The following ENTPD5 variants were observed in gnomAD, a reference collection of about 807,000 sequenced individuals.
The protein encoded by ENTPD5 is nucleoside diphosphate phosphatase ENTPD5.
Under a neutral mutation model 60.2 loss-of-function variants are expected in ENTPD5, and 49 were observed. The observed-to-expected ratio is 0.81, with a 90% confidence interval of 0.65 to 1.03. ENTPD5 has a LOEUF of 1.03. Ranked by LOEUF, ENTPD5 falls within the 50% of genes least tolerant of loss-of-function variation. The probability of loss-of-function intolerance (pLI) is 0.00; values close to 1 mark genes in which losing one functional copy is unlikely to be tolerated. For missense variants in ENTPD5, 480 were observed against 507.6 expected, an observed-to-expected ratio of 0.95 and a Z score of 0.52; for synonymous variants, 187 against 185.4, an observed-to-expected ratio of 1.01 and a Z score of -0.07.
rs112302326 is a variant in ENTPD5 at position 73,970,182 on chromosome 14, A to G, written c.1085-57T>C. 3,062 of 1,290,442 alleles carry G rather than the reference A, an allele frequency of 2.4e-3. 5 individuals carry two copies. Among genetic ancestry groups the G allele is most frequent in the Non-Finnish European group, 3.0e-3 (2,690 of 889,620 alleles). 79.9% of individuals were successfully genotyped at this position (1,290,442 alleles called of 1,614,324 possible). ...TTTGCAACTAACTGAGAGGTGTAGG[A>G]TTTTCTCTTAGAAAGAAGTGGAATA... On this transcript the variant is annotated intron_variant, in intron 14 of 15. Transcript: ENST00000334696.
intron 5 of ENTPD5, among the ~76,000 whole-genome samples, chr14:73,984,972 T>C (rs1176091200): frequency 2.6e-5 from 4 of 152,202 alleles, no homozygotes; most frequent in African/African-American, 7.2e-5. Context: ...TTCCCACCTA[T>C]GAGTGAGAAC....
At chr14:73,975,050 T>C (rs12895057) in intron 10 of ENTPD5, 65 bp from the exon 11 acceptor site, 23,733 of 1,216,976 alleles carry the variant, frequency 0.02, 346 homozygotes, top group Middle Eastern at 0.051. Context: ...AAGCTACCTC[T>C]TTCAAAAGTA....
chr14:74,000,037 G>A (rs1344167364), intron 3 of ENTPD5, among the ~76,000 whole-genome samples: 5 of 148,220 alleles, frequency 3.4e-5, no homozygotes, highest in Non-Finnish European at 7.4e-5. Flanking sequence ...GCAGTTAGCC[G>A]AGGTCGCGTC....
At chr14:74,013,870 T>C (rs1167260710) in intron 2 of ENTPD5, among the ~76,000 whole-genome samples, 2 of 152,188 alleles carry the variant, frequency 1.3e-5, no homozygotes. Context: ...ATCCATGACA[T>C]AAAAATGCAG....
downstream of ENTPD5, chr14:73,963,017 A>T (rs2056825135): frequency 4.4e-6 from 7 of 1,594,986 alleles, no homozygotes; most frequent in Non-Finnish European, 6.0e-6. Flanking sequence ...TCTCCTAAAG[A>T]AAGATTACGT....
At chr14:73,958,713 T>TC (rs778251070), downstream of ENTPD5, 26 of 1,386,422 alleles carry the variant, frequency 1.9e-5, no homozygotes, top group Non-Finnish European at 2.4e-5. Context: ...GCTCTCTAGT[T>TC]CAAATATCAG....
downstream of ENTPD5, chr14:73,961,441 T>C: frequency 6.2e-7 from 1 of 1,614,218 alleles, no homozygotes; most frequent in South Asian, 1.1e-5. Flanking sequence ...ACCTGAACTC[T>C]GCTTTATTCT....
At chr14:73,991,587 TAAAAAAAAAAAAACAATAACCAAAAA>T (rs1187058636) in intron 3 of ENTPD5, among the ~76,000 whole-genome samples, 1 of 60,844 alleles carries the variant, frequency 1.6e-5, no homozygotes, top group Non-Finnish European at 3.0e-5. Flanking sequence ...GAATCTGTCT[TAAAAAAAAAAAAACAATAACCAAAAA>T]AAAAAAAAAA....
intron 14 of ENTPD5, among the ~76,000 whole-genome samples, chr14:73,971,116 GA>G (rs565596617): frequency 1.3e-5 from 2 of 148,656 alleles, no homozygotes; most frequent in African/African-American, 2.5e-5. Context: ...AATGTAGAAG[GA>G]AAAAAAAGGT....
At chr14:73,972,289 G>T (rs892570577) in intron 13 of ENTPD5, among the ~76,000 whole-genome samples, 1 of 152,082 alleles carries the variant, frequency 6.6e-6, no homozygotes, top group Non-Finnish European at 1.5e-5. Flanking sequence ...CAGGAGAATC[G>T]GTTGAACCCG....
chr14:73,977,806 G>T (rs1328476846), intron 6 of ENTPD5, among the ~76,000 whole-genome samples: 3 of 152,260 alleles, frequency 2.0e-5, no homozygotes, highest in African/African-American at 7.2e-5. Context: ...ACACCTAAGG[G>T]CTGAGGTACT....
chr14:73,976,200 A>G (rs530288705), intron 9 of ENTPD5, 124 bp downstream of exon 9: 24 of 881,690 alleles, frequency 2.7e-5, no homozygotes, highest in Admixed American at 6.5e-5. Flanking sequence ...TCACCTAGTT[A>G]TTAATTGACT....
At chr14:74,002,118 A>G (rs948601493) in intron 3 of ENTPD5, among the ~76,000 whole-genome samples, 2 of 152,194 alleles carry the variant, frequency 1.3e-5, no homozygotes, top group African/African-American at 4.8e-5. Context: ...TCTGTGAGTT[A>G]GGTGCTATTA....
intron 3 of ENTPD5, among the ~76,000 whole-genome samples, chr14:74,010,191 C>T (rs953957094): frequency 6.6e-6 from 1 of 152,186 alleles, no homozygotes; most frequent in African/African-American, 2.4e-5. Context: ...CCTCCCAAGT[C>T]CCAAACCTCT....
At chr14:73,967,795 GTC>G (rs1489905937) in intron 15 of ENTPD5, among the ~76,000 whole-genome samples, 1 of 74,914 alleles carries the variant, frequency 1.3e-5, no homozygotes, top group Non-Finnish European at 2.8e-5. Flanking sequence ...GCAAGACCCT[GTC>G]TCAAAAAAAA....
intron 6 of ENTPD5, among the ~76,000 whole-genome samples, chr14:73,978,240 G>A (rs191523835): frequency 2.0e-5 from 3 of 150,862 alleles, no homozygotes; most frequent in Non-Finnish European, 1.5e-5. Flanking sequence ...CCTACAGTTT[G>A]TTCTCAAAAC....
Position 73,964,991 on chromosome 14 carries a change from GC to G in ENTPD5, c.*1936del, listed in dbSNP as rs1368510587. The G allele has an allele frequency of 6.6e-6, 1 of 152,166 alleles. No homozygotes were observed. The highest frequency in any genetic ancestry group is 1.5e-5 in the Non-Finnish European group (1 of 68,028). The allele number at this position is 152,166 out of a possible 1,614,324, so 9.4% of individuals were successfully genotyped here. ...GTACAACATTGGATTATTTCTTTGG[GC>G]TGTTTCCAACTCAAGATTCTGTTAT... is the stretch of plus-strand genomic sequence containing the variant. On this transcript the variant is annotated 3_prime_UTR_variant, in exon 16 of 16. Transcript: ENST00000334696.
At position 74,008,988 on chromosome 14, in the gene ENTPD5, T is replaced by C. The variant is rs577231734; in HGVS notation, c.-71+2103A>G. On this transcript the variant is annotated intron_variant, in intron 3 of 15. Coordinates refer to ENST00000334696, the MANE Select transcript of ENTPD5 (RefSeq NM_001249.5). ...TTATTTCATTTGCATCAAAATATCA[T>C]TAGACACGTGTCAAAAAGGCCCATT... The C allele has an allele frequency of 5.1e-4, 78 of 152,346 alleles. 1 individual carries two copies. The highest frequency in any genetic ancestry group is 6.0e-4 in the Non-Finnish European group (41 of 68,018). The allele number at this position is 152,346 out of a possible 1,614,324, so 9.4% of individuals were successfully genotyped here. A position where few individuals can be genotyped will look rare whatever the true frequency, so the allele number is the denominator to read the frequency against.
At position 73,976,017 on chromosome 14, in the gene ENTPD5, T is replaced by C; in HGVS notation, c.643-2A>G. On this transcript the variant is annotated splice_acceptor_variant, in intron 9 of 15. Transcript: ENST00000334696. LOFTEE classifies it high-confidence loss of function. ...CCTAGGAGTTTGTTCCAGAGTTTTC[T>C]GCAAATCAGAAAAAGCAAAAAGACT... The C allele has an allele frequency of 6.2e-7, 1 of 1,612,256 alleles. No individual in the cohort carries two copies.
Sources: allele counts gnomAD v4.1 joint callset (sites outside exome capture counted in the v4.1 genomes callset), GRCh38; gene constraint gnomAD v4.1.1; transcripts MANE v1.5; gene names NCBI Gene and HGNC (gene_info 2026-07-23, HGNC 2026-07-21).